The following ZNF229 variants were observed in gnomAD, a reference collection of about 807,000 sequenced individuals.
ZNF229 encodes zinc finger protein 229.
A neutral mutation model predicts 11.8 loss-of-function variants in ZNF229; 10 were observed. The observed-to-expected ratio is 0.85, with a 90% confidence interval of 0.52 to 1.44. ZNF229 has a LOEUF of 1.44. ZNF229 is among the 40% of genes most tolerant of loss of function. ZNF229 has a pLI of 0.00. For missense variants in ZNF229, 1,045 were observed against 1,015.1 expected (o/e 1.03, Z -0.40); for synonymous variants, 368 against 374.8 (o/e 0.98, Z 0.21).
chr19:44,441,569 G>A lies in ZNF229; in HGVS notation c.93+994C>T, dbSNP rs376566960. Among the ~76,000 whole-genome samples the A allele has an allele frequency of 6.6e-5, 10 of 151,654 alleles. No individual in the cohort carries two copies. In the South Asian group the frequency reaches 1.2e-3, roughly 19 times the overall value. ...CCTATATTTTCATTTACTTTATATC[G>A]CTTGATAGCAGCTTAGAATCTAGAC... On this transcript the variant is annotated intron_variant, in intron 4 of 5. Coordinates refer to ENST00000614049, the MANE Select transcript of ZNF229 (RefSeq NM_014518.4).
intron 2 of ZNF229, among the ~76,000 whole-genome samples, chr19:44,446,972 G>C (rs930339254): frequency 6.6e-6 from 1 of 152,316 alleles, no homozygotes; most frequent in South Asian, 2.1e-4. Context: ...GCTGGGATGA[G>C]ACAAGTCCAG....
At chr19:44,441,449 A>C (rs1221803209) in intron 4 of ZNF229, among the ~76,000 whole-genome samples, 2 of 152,216 alleles carry the variant, frequency 1.3e-5, no homozygotes, top group African/African-American at 4.8e-5. Context: ...GTGTTGAAAA[A>C]ACATACTTAA....
At chr19:44,430,653 T>G in intron 5 of ZNF229, 111 bp from the exon 6 acceptor site, 1 of 991,056 alleles carries the variant, frequency 1.0e-6, no homozygotes, top group Non-Finnish European at 1.4e-6. Flanking sequence ...AGGCTTTATG[T>G]ATCATAACTA....
At chr19:44,444,960 A>C (rs527869110) in intron 2 of ZNF229, among the ~76,000 whole-genome samples, 2 of 151,462 alleles carry the variant, frequency 1.3e-5, no homozygotes, top group South Asian at 4.2e-4. Flanking sequence ...ATCCAGCCTC[A>C]GGCCTTCAAC....
In ZNF229 at chr19:44,430,393, CTT is replaced by C. The variant is rs780543982; in HGVS notation, c.386_387del (p.Lys129ArgfsTer25). ...SQDCRVNLQG[K>X]DFQFSEDAAP... ...GCAGCATCTTCTGAGAACTGGAAGT[CTT>C]TTCCTTGCAGATTTACTCTACAGTC... On this transcript the variant is annotated frameshift_variant, in exon 6 of 6. Coordinates refer to ENST00000614049, the MANE Select transcript of ZNF229 (RefSeq NM_014518.4). LOFTEE classifies it low-confidence loss of function (END_TRUNC). 1 of 1,614,186 alleles carries C rather than the reference CTT, an allele frequency of 6.2e-7. No homozygotes were observed. Among genetic ancestry groups the C allele is most frequent in the Non-Finnish European group, 8.5e-7 (1 of 1,180,048 alleles).
Position 44,429,947 on chromosome 19 carries a change from T to C in ZNF229, c.834A>G (p.Ala278=), listed in dbSNP as rs1366870712. The C allele has an allele frequency of 1.2e-6, 2 of 1,613,962 alleles. No individual in the cohort carries two copies. Among genetic ancestry groups the C allele is most frequent in the Non-Finnish European group, 1.7e-6 (2 of 1,179,886 alleles). Residue 278 remains alanine, a synonymous_variant, in exon 6 of 6, where the codon GCA becomes GCG. Coordinates refer to ENST00000614049, the MANE Select transcript of ZNF229 (RefSeq NM_014518.4). ...NEYRNGFRDD[A]DLPPHPRVPL... Reference sequence around the variant, plus strand: ...GTACTCTTGGATGCGGGGGAAGGTCTGCATCGTCCCTGAAGCCATTTCTGT... The same window carrying C: ...GTACTCTTGGATGCGGGGGAAGGTCCGCATCGTCCCTGAAGCCATTTCTGT...
chr19:44,446,264 G>A (rs1668737181), intron 2 of ZNF229, among the ~76,000 whole-genome samples: 1 of 152,192 alleles, frequency 6.6e-6, no homozygotes, highest in Non-Finnish European at 1.5e-5. Flanking sequence ...GTTGAAGTCT[G>A]AGGAAAACAG....
In ZNF229 at chr19:44,428,495, G is replaced by A. The variant is rs1971624834; in HGVS notation, c.2286C>T (p.His762=). 1 of 1,613,932 alleles carries A rather than the reference G, an allele frequency of 6.2e-7. No homozygotes were observed. Among genetic ancestry groups the A allele is most frequent in the African/African-American group, 1.3e-5 (1 of 74,828 alleles). Residue 762 remains histidine (H), a synonymous_variant, in exon 6 of 6, where the codon CAC becomes CAT. Transcript: ENST00000614049. ...SSHLQGHQRV[H]TGEKPYKCEE... ...CACATTTATAGGGTTTCTCACCAGT[G>A]TGGACCCTCTGATGACCTTGAAGAT...
chr19:44,442,577 TCTC>T lies in ZNF229; in HGVS notation c.76_78del (p.Glu26del). The T allele has an allele frequency of 1.9e-6, 3 of 1,614,070 alleles. No individual in the cohort carries two copies. The highest frequency in any genetic ancestry group is 2.5e-6 in the Non-Finnish European group (3 of 1,180,006). ...AAACAACCCACCTGAGACATGATCT[TCTC>T]CTCCCTATCTTGGGAAATGGCTGAG... is the stretch of plus-strand genomic sequence containing the variant. On this transcript the variant is annotated inframe_deletion, in exon 4 of 6. Transcript: ENST00000614049.
At position 44,430,237 on chromosome 19, in the gene ZNF229, T is replaced by C. The variant is rs1344774086; in HGVS notation, c.544A>G (p.Ile182Val). The change falls in exon 6 of 6, where the codon ATC (isoleucine) becomes GTC (valine). Residue 182 changes from isoleucine (I) to valine (V), a missense_variant. Transcript: ENST00000614049. ...QFPAWRAIRPIPIQGSWAKAF... is the reference protein window; with the variant it reads ...QFPAWRAIRPVPIQGSWAKAF... Reference sequence around the variant, plus strand: ...TTTGCCCAAGATCCTTGAATGGGGATTGGTCTTATAGCTCTCCAGGCTGGA... The same window carrying C: ...TTTGCCCAAGATCCTTGAATGGGGACTGGTCTTATAGCTCTCCAGGCTGGA... The C allele has an allele frequency of 1.2e-6, 2 of 1,614,046 alleles. No individual in the cohort carries two copies. Among genetic ancestry groups the C allele is most frequent in the South Asian group, 1.1e-5 (1 of 91,092 alleles).
At position 44,428,312 on chromosome 19, in the gene ZNF229, A is replaced by G; in HGVS notation, c.2469T>C (p.Pro823=). Residue 823 remains proline (P), a synonymous_variant, in exon 6 of 6, where the codon CCT becomes CCC. Transcript: ENST00000614049. ...AATCCTCTATGTACATCTACTTATA[A>G]GGGTTCTCGCCTAAATGCACTCTTT... The part of the protein sequence containing the change: ...NHQRVHLGEN[P]YK The G allele has an allele frequency of 6.2e-7, 1 of 1,608,990 alleles. No individual in the cohort carries two copies. The highest frequency in any genetic ancestry group is 8.5e-7 in the Non-Finnish European group (1 of 1,176,520).
chr19:44,431,153 G>A (rs926212074), intron 5 of ZNF229, among the ~76,000 whole-genome samples: 1 of 152,108 alleles, frequency 6.6e-6, no homozygotes, highest in South Asian at 2.1e-4. Context: ...TTTCCAAAGT[G>A]CACCACCTGT....
chr19:44,431,103 T>G (rs1971715359), intron 5 of ZNF229, among the ~76,000 whole-genome samples: 1 of 152,106 alleles, frequency 6.6e-6, no homozygotes, highest in African/African-American at 2.4e-5. Context: ...TGACTGTACT[T>G]CTGGGTATTT....
Position 44,432,255 on chromosome 19 carries a change from T to C in ZNF229, c.205A>G (p.Asn69Asp). Residue 69 changes from asparagine (N) to aspartate (D), a missense_variant, in exon 5 of 6, where the codon AAC becomes GAC. Coordinates refer to ENST00000614049, the MANE Select transcript of ZNF229 (RefSeq NM_014518.4). ...YQDVMQENFR[N>D]LLSVGERNPL... ...TTCCTCTCACCCACTGAGAGTAGGT[T>C]CCTGAAATTCTCCTGCATCACATCT... 1 of 1,613,820 alleles carries C rather than the reference T, an allele frequency of 6.2e-7. No individual in the cohort carries two copies. The highest frequency in any genetic ancestry group is 8.5e-7 in the Non-Finnish European group (1 of 1,179,938).
chr19:44,440,135 T>A (rs1209944885), intron 4 of ZNF229, among the ~76,000 whole-genome samples: 1 of 151,680 alleles, frequency 6.6e-6, no homozygotes, highest in Non-Finnish European at 1.5e-5. Flanking sequence ...AAAGAATTAA[T>A]CAGAAATTTT....
At chr19:44,443,094 G>A (rs1971944969) in intron 2 of ZNF229, 70 bp from the exon 3 acceptor site, 1 of 581,302 alleles carries the variant, frequency 1.7e-6, no homozygotes, top group Non-Finnish European at 3.1e-6. Context: ...CACATCCCCT[G>A]GATACTATTC....
rs1274309540 is a variant in ZNF229, at chr19:44,430,186, C to CA, written c.594dup (p.Val199CysfsTer6). The CA allele has an allele frequency of 1.2e-5, 19 of 1,613,956 alleles. No homozygotes were observed. The African/African-American group carries it at 2.5e-4, about 22-fold the overall frequency. On this transcript the variant is annotated frameshift_variant, in exon 6 of 6. Transcript: ENST00000614049. LOFTEE classifies it low-confidence loss of function (END_TRUNC). ...TCGAGATTTTTACATCTTTCTTGAA[C>CA]ATCCCCTAACTGGTTCACAAACGCT...
At chr19:44,436,815 C>G (rs1971823027) in intron 4 of ZNF229, among the ~76,000 whole-genome samples, 1 of 152,028 alleles carries the variant, frequency 6.6e-6, no homozygotes, top group African/African-American at 2.4e-5. Flanking sequence ...ACTCGGTGAA[C>G]CAGAGCACAG....
Position 44,428,127 on chromosome 19 carries a change from G to A in ZNF229, c.*176C>T. The A allele has an allele frequency of 1.5e-6, 1 of 664,532 alleles. No individual in the cohort carries two copies. The highest frequency in any genetic ancestry group is 2.5e-6 in the Non-Finnish European group (1 of 403,348). 41.2% of individuals were successfully genotyped at this position (664,532 alleles called of 1,614,324 possible). On this transcript the variant is annotated 3_prime_UTR_variant, in exon 6 of 6. Coordinates refer to ENST00000614049, the MANE Select transcript of ZNF229 (RefSeq NM_014518.4). ...TTAAAGACTGAAGTTTGTAACTGAA[G>A]TGCTAACCTATTTATCACACATCCA...
Sources: allele counts gnomAD v4.1 joint callset (sites outside exome capture counted in the v4.1 genomes callset), GRCh38; gene constraint gnomAD v4.1.1; transcripts MANE v1.5; gene names NCBI Gene and HGNC (gene_info 2026-07-23, HGNC 2026-07-21).